FAM3C: variants seen among roughly 807,000 people sequenced by gnomAD.
The protein encoded by FAM3C is FAM3 metabolism regulating signaling molecule C, also known as protein FAM3C.
In FAM3C, 15 loss-of-function variants were observed where a neutral mutation model predicts 32.5. The ratio of observed to expected loss-of-function variants is 0.46; its 90% confidence interval spans 0.31 to 0.71. FAM3C has a LOEUF of 0.71. FAM3C is among the 30% of genes least tolerant of loss of function. FAM3C has a pLI of 0.05. For synonymous variants in FAM3C, 75 were observed against 86.1 expected, an observed-to-expected ratio of 0.87 and a Z score of 0.72; for missense variants, 175 against 274.4, an observed-to-expected ratio of 0.64 and a Z score of 2.56.
intron 3 of FAM3C, among the ~76,000 whole-genome samples, 197 bp downstream of exon 3, chr7:121,378,713 T>TAGAA (rs3068114): frequency 0.48 from 73,509 of 151,586 alleles, 18,547 homozygotes; most frequent in African/African-American, 0.62. Flanking sequence ...AAATGTTGAA[T>TAGAA]AGAAGATTCA....
chr7:121,386,548 T>A (rs1794467230), intron 1 of FAM3C, among the ~76,000 whole-genome samples: 1 of 151,774 alleles, frequency 6.6e-6, no homozygotes. Flanking sequence ...CAATCCCTTA[T>A]AATAAACATA....
Position 121,350,314 on chromosome 7 carries a change from T to A in FAM3C, c.*147A>T. On this transcript the variant is annotated 3_prime_UTR_variant, in exon 10 of 10. Transcript: ENST00000359943. ...CAATGCTATCTATTTACGTTAGCAATAAATAATCCTGATATCAAAAGAGAC... is the reference window on the plus strand; with the variant it reads ...CAATGCTATCTATTTACGTTAGCAAAAAATAATCCTGATATCAAAAGAGAC... 2 of 683,172 alleles carry A rather than the reference T, an allele frequency of 2.9e-6. No individual in the cohort carries two copies. Among genetic ancestry groups the A allele is most frequent in the East Asian group, 5.6e-5 (2 of 36,000 alleles). The allele number at this position is 683,172 out of a possible 1,614,324, so 42.3% of individuals were successfully genotyped here. A position where few individuals can be genotyped will look rare whatever the true frequency, so the allele number is the denominator to read the frequency against.
intron 8 of FAM3C, among the ~76,000 whole-genome samples, chr7:121,355,749 T>C (rs1290918176): frequency 6.6e-6 from 1 of 152,214 alleles, no homozygotes; most frequent in Non-Finnish European, 1.5e-5. Context: ...AAGTAGTTTC[T>C]GCAGCTGATT....
At chr7:121,373,977 C>A in intron 3 of FAM3C, among the ~76,000 whole-genome samples, 2 of 134,872 alleles carry the variant, frequency 1.5e-5, no homozygotes, top group Admixed American at 8.1e-5. Context: ...GCCTGGGCGA[C>A]AGAGCAAGAC....
At chr7:121,369,574 C>T (rs562199269) in intron 5 of FAM3C, among the ~76,000 whole-genome samples, 11 of 152,318 alleles carry the variant, frequency 7.2e-5, no homozygotes, top group Admixed American at 1.3e-4. Flanking sequence ...CTACATGACA[C>T]GCCCACCATG....
chr7:121,357,405 CA>C (rs1168852198), intron 8 of FAM3C, among the ~76,000 whole-genome samples: 3 of 152,080 alleles, frequency 2.0e-5, no homozygotes, highest in Non-Finnish European at 2.9e-5. Context: ...ACATCAGCAG[CA>C]GTAAGCAGAA....
chr7:121,381,292 T>C (rs1794349263), intron 2 of FAM3C, among the ~76,000 whole-genome samples: 1 of 152,144 alleles, frequency 6.6e-6, no homozygotes, highest in Non-Finnish European at 1.5e-5. Flanking sequence ...GCTATGAGGA[T>C]ATTTCAAAGC....
At chr7:121,357,221 G>A (rs572055744) in intron 8 of FAM3C, among the ~76,000 whole-genome samples, 4 of 151,450 alleles carry the variant, frequency 2.6e-5, no homozygotes, top group South Asian at 2.1e-4. Context: ...CAGAGACGAC[G>A]AGAGAGAGAG....
intron 1 of FAM3C, among the ~76,000 whole-genome samples, chr7:121,389,442 A>G (rs546841419): frequency 6.6e-6 from 1 of 152,124 alleles, no homozygotes; most frequent in Non-Finnish European, 1.5e-5. Flanking sequence ...CCTAAAAAAG[A>G]TATTTTGTTT....
At chr7:121,372,587 C>T (rs757316772) in intron 3 of FAM3C, among the ~76,000 whole-genome samples, 5 of 151,984 alleles carry the variant, frequency 3.3e-5, no homozygotes, top group African/African-American at 9.7e-5. Flanking sequence ...TAGGAGATTG[C>T]GAGGGCCAGG....
At chr7:121,392,570 C>T (rs1447716596) in intron 1 of FAM3C, among the ~76,000 whole-genome samples, 6 of 152,172 alleles carry the variant, frequency 3.9e-5, no homozygotes, top group Admixed American at 3.9e-4. Context: ...CACCACGTAT[C>T]AACTGAACCA....
chr7:121,393,119 G>A (rs941689472), intron 1 of FAM3C, among the ~76,000 whole-genome samples: 1 of 152,116 alleles, frequency 6.6e-6, no homozygotes, highest in Non-Finnish European at 1.5e-5. Flanking sequence ...TTTTAGAAAC[G>A]TGACGGTTCA....
chr7:121,396,315 G>A (rs954243257), upstream of FAM3C: 9 of 152,172 alleles, frequency 5.9e-5, no homozygotes, highest in African/African-American at 1.4e-4. Flanking sequence ...AAGTGGCCAG[G>A]AGAAAGCCAG....
intron 2 of FAM3C, among the ~76,000 whole-genome samples, chr7:121,382,328 A>C (rs977585338): frequency 6.6e-5 from 10 of 152,136 alleles, no homozygotes; most frequent in African/African-American, 2.4e-4. Flanking sequence ...TTACACATAA[A>C]CTCACCTATG....
intron 1 of FAM3C, among the ~76,000 whole-genome samples, chr7:121,383,646 A>T (rs1352963260): frequency 6.6e-6 from 1 of 152,240 alleles, no homozygotes; most frequent in Non-Finnish European, 1.5e-5. Flanking sequence ...ATGTTAATAC[A>T]TCAAATGGAT....
chr7:121,368,808 C>G (rs1794078669), intron 5 of FAM3C, among the ~76,000 whole-genome samples: 1 of 151,868 alleles, frequency 6.6e-6, no homozygotes, highest in Non-Finnish European at 1.5e-5. Flanking sequence ...CCTTTCTATC[C>G]CTCAGATCTC....
intron 4 of FAM3C, among the ~76,000 whole-genome samples, 167 bp downstream of exon 4, chr7:121,371,943 T>C (rs1426893220): frequency 3.3e-5 from 5 of 152,190 alleles, no homozygotes; most frequent in African/African-American, 4.8e-5. Flanking sequence ...TCATGAATAA[T>C]TGCCAAAAAT....
intron 5 of FAM3C, among the ~76,000 whole-genome samples, chr7:121,367,176 T>C (rs1038745412): frequency 1.3e-5 from 2 of 152,304 alleles, no homozygotes; most frequent in Admixed American, 6.5e-5. Flanking sequence ...TTCATGAATA[T>C]AAGGTACCCC....
rs78228359 is a variant in FAM3C at position 121,369,606 on chromosome 7, C to T, written c.272+1694G>A. The stretch of plus-strand genomic sequence containing the variant: ...CATGCTAGAAGCAAATTCTCTGGCT[C>T]TAAGCCCAGTATGTATTTTACCAAG... On this transcript the variant is annotated intron_variant, in intron 5 of 9. Coordinates refer to ENST00000359943, the MANE Select transcript of FAM3C (RefSeq NM_014888.3). 2.6e-5 allele frequency among the ~76,000 whole-genome samples: 4 copies of T among 152,354 alleles called. No homozygotes were observed. The East Asian group carries it at 7.7e-4, about 29-fold the overall frequency.
Sources: gnomAD v4.1 joint callset for allele counts (sites outside exome capture counted in the v4.1 genomes callset) on GRCh38, gnomAD v4.1.1 for gene constraint, MANE v1.5 for transcripts, NCBI Gene and HGNC (gene_info 2026-07-23, HGNC 2026-07-21) for gene names.